Variants in SLC71A1 observed in about 807,000 individuals in gnomAD.
SLC71A1 encodes hippocampus abundant gene transcript 1.
At chr1:100,043,579 A>G in the SLC71A1 span, among the ~76,000 whole-genome samples, 1 of 152,204 alleles carries the variant, frequency 6.6e-6, no homozygotes, top group Non-Finnish European at 1.5e-5. Flanking sequence ...ATTTTTTAAA[A>G]TATTTCAATA....
the SLC71A1 span, chr1:100,080,472 T>C: frequency 6.3e-7 from 1 of 1,596,088 alleles, no homozygotes; most frequent in South Asian, 1.1e-5. Flanking sequence ...GTTTACTAAG[T>C]GATAATTTGT....
chr1:100,083,312 T>G, the SLC71A1 span: 1 of 152,574 alleles, frequency 6.6e-6, no homozygotes, highest in Admixed American at 6.5e-5. Context: ...TTAAATAAGG[T>G]CTTAAAAGAA....
chr1:100,077,108 T>C, the SLC71A1 span: 1 of 830,712 alleles, frequency 1.2e-6, no homozygotes, highest in Non-Finnish European at 1.9e-6. Flanking sequence ...TAGTGTAGAT[T>C]GAAAGAAGTC....
the SLC71A1 span, among the ~76,000 whole-genome samples, chr1:100,046,212 GT>G: frequency 8.7e-4 from 47 of 54,106 alleles, no homozygotes; most frequent in East Asian, 2.4e-3. Flanking sequence ...TCCAAGCCTC[GT>G]TTTTTTTTTT....
the SLC71A1 span, among the ~76,000 whole-genome samples, chr1:100,046,212 GTTTTTTTTTTTTTTTTT>G: frequency 0.031 from 1,660 of 54,160 alleles, 55 homozygotes; most frequent in African/African-American, 0.09. Context: ...TCCAAGCCTC[GTTTTTTTTTTTTTTTTT>G]TTTTTTTTTT....
the SLC71A1 span, among the ~76,000 whole-genome samples, chr1:100,042,789 T>C: frequency 1.3e-5 from 2 of 152,090 alleles, no homozygotes; most frequent in Admixed American, 6.5e-5. Flanking sequence ...TGTATTTTTT[T>C]AGTAGAGACC....
At chr1:100,067,149 ATC>A in the SLC71A1 span, among the ~76,000 whole-genome samples, 1 of 152,156 alleles carries the variant, frequency 6.6e-6, no homozygotes, top group Non-Finnish European at 1.5e-5. Flanking sequence ...TCTTAAAAAA[ATC>A]TCTTTTACCT....
the SLC71A1 span, among the ~76,000 whole-genome samples, chr1:100,071,548 A>C: frequency 6.6e-6 from 1 of 152,202 alleles, no homozygotes; most frequent in Non-Finnish European, 1.5e-5. Context: ...CCAACCTTGC[A>C]ATAGATGTGA....
chr1:100,053,863 T>C, the SLC71A1 span, among the ~76,000 whole-genome samples: 1 of 152,102 alleles, frequency 6.6e-6, no homozygotes, highest in Non-Finnish European at 1.5e-5. Flanking sequence ...TTTTTAAAGA[T>C]TGAGGTCTAA....
chr1:100,038,149 G>A, the SLC71A1 span: 9 of 1,233,672 alleles, frequency 7.3e-6, no homozygotes, highest in Non-Finnish European at 1.0e-5. Context: ...GCTCGGCCCG[G>A]CAGTAGTGGT....
the SLC71A1 span, among the ~76,000 whole-genome samples, chr1:100,063,017 A>C: frequency 6.6e-6 from 1 of 152,096 alleles, no homozygotes; most frequent in South Asian, 2.1e-4. Context: ...CAGGATATTT[A>C]AAAAATAGTC....
chr1:100,065,303 A>G, the SLC71A1 span, among the ~76,000 whole-genome samples: 1 of 152,212 alleles, frequency 6.6e-6, no homozygotes. Context: ...TGAAAATTGA[A>G]TTGCTTGCCT....
At chr1:100,046,223 T>G in the SLC71A1 span, among the ~76,000 whole-genome samples, 2,106 of 100,406 alleles carry the variant, frequency 0.021, 28 homozygotes, top group South Asian at 0.073. Context: ...TTTTTTTTTT[T>G]TTTTTTTTTT....
chr1:100,073,677 GATGGATA>G, the SLC71A1 span, among the ~76,000 whole-genome samples: 1 of 152,228 alleles, frequency 6.6e-6, no homozygotes. Context: ...TCCGTGTGTT[GATGGATA>G]CTTTGACTTA....
chr1:100,062,388 A>G, the SLC71A1 span, among the ~76,000 whole-genome samples: 5 of 152,172 alleles, frequency 3.3e-5, no homozygotes, highest in South Asian at 6.2e-4. Context: ...TTGTTTTTGC[A>G]TGTGTATTTA....
At chr1:100,050,468 T>A in the SLC71A1 span, among the ~76,000 whole-genome samples, 1 of 152,192 alleles carries the variant, frequency 6.6e-6, no homozygotes, top group Non-Finnish European at 1.5e-5. Flanking sequence ...TTTGAAACTT[T>A]AGAAAAGACC....
At chr1:100,044,985 C>A in the SLC71A1 span, among the ~76,000 whole-genome samples, 3 of 151,992 alleles carry the variant, frequency 2.0e-5, no homozygotes, top group Non-Finnish European at 4.4e-5. Context: ...GCTATGTGGG[C>A]TCTTTTTTGG....
the SLC71A1 span, among the ~76,000 whole-genome samples, chr1:100,076,095 G>A: frequency 6.6e-6 from 1 of 152,288 alleles, no homozygotes; most frequent in Admixed American, 6.5e-5. Flanking sequence ...TTATACTCAC[G>A]TGATTTAAGT....
the SLC71A1 span, among the ~76,000 whole-genome samples, chr1:100,072,633 T>C: frequency 6.6e-6 from 1 of 151,766 alleles, no homozygotes; most frequent in Non-Finnish European, 1.5e-5. Context: ...AATTGGGAAG[T>C]GTTACGTGAA....
Sources: allele counts gnomAD v4.1 joint callset (sites outside exome capture counted in the v4.1 genomes callset), GRCh38; gene constraint gnomAD v4.1.1; transcripts MANE v1.5; gene names NCBI Gene and HGNC (gene_info 2026-07-23, HGNC 2026-07-21).